CTNNA3: variants seen among roughly 807,000 people sequenced by gnomAD.
The protein encoded by CTNNA3 is catenin alpha-3.
Under a neutral mutation model 95.7 loss-of-function variants are expected in CTNNA3, and 76 were observed. The observed-to-expected ratio is 0.79, with a 90% confidence interval of 0.66 to 0.96. The LOEUF is 0.96. Ranked by LOEUF, CTNNA3 falls within the 40% of genes least tolerant of loss-of-function variation. The probability of loss-of-function intolerance (pLI) is 0.00; values close to 1 mark genes in which losing one functional copy is unlikely to be tolerated. For missense variants in CTNNA3, 1,191 were observed against 1,089.8 expected (o/e 1.09, Z -1.31); for synonymous variants, 431 against 374.4 (o/e 1.15, Z -1.74).
At chr10:67,083,021 T>A (rs1322781888) in intron 7 of CTNNA3, among the ~76,000 whole-genome samples, 2 of 152,164 alleles carry the variant, frequency 1.3e-5, no homozygotes, top group African/African-American at 4.8e-5. Flanking sequence ...GCCACCTGTG[T>A]GTTCTCACAA....
intron 12 of CTNNA3, among the ~76,000 whole-genome samples, chr10:66,315,982 G>A (rs192665574): frequency 5.3e-5 from 8 of 152,108 alleles, no homozygotes; most frequent in Admixed American, 4.6e-4. Flanking sequence ...CTTGAAAACC[G>A]CAACTTTAAC....
At chr10:67,543,569 T>A (rs1840747482) in intron 3 of CTNNA3, among the ~76,000 whole-genome samples, 1 of 151,992 alleles carries the variant, frequency 6.6e-6, no homozygotes, top group African/African-American at 2.4e-5. Context: ...ATAACCAAAA[T>A]GAAAAGGGGC....
At chr10:66,038,594 T>C (rs1266227531) in intron 15 of CTNNA3, among the ~76,000 whole-genome samples, 2 of 152,216 alleles carry the variant, frequency 1.3e-5, no homozygotes, top group South Asian at 2.1e-4. Context: ...GCTGAGTCAA[T>C]TTCAGAGGAT....
intron 7 of CTNNA3, among the ~76,000 whole-genome samples, chr10:67,003,018 T>C (rs1233970910): frequency 6.6e-6 from 1 of 152,182 alleles, no homozygotes; most frequent in Admixed American, 6.6e-5. Context: ...ACGGTAATTA[T>C]GATACTATTT....
At chr10:66,427,627 G>A (rs2132655137) in intron 11 of CTNNA3, among the ~76,000 whole-genome samples, 1 of 152,082 alleles carries the variant, frequency 6.6e-6, no homozygotes. Context: ...AACAGAGGTG[G>A]AACAACAATA....
intron 5 of CTNNA3, among the ~76,000 whole-genome samples, chr10:67,256,638 G>A: frequency 6.6e-6 from 1 of 152,066 alleles, no homozygotes; most frequent in East Asian, 1.9e-4. Flanking sequence ...GATTTTCTTA[G>A]AGTGAATTAT....
chr10:66,167,893 C>G (rs2085217688), intron 13 of CTNNA3, among the ~76,000 whole-genome samples: 1 of 152,138 alleles, frequency 6.6e-6, no homozygotes, highest in African/African-American at 2.4e-5. Flanking sequence ...AGAAATTGGC[C>G]TGCCTTAATA....
intron 7 of CTNNA3, among the ~76,000 whole-genome samples, chr10:66,916,650 G>C (rs1278670991): frequency 6.6e-6 from 1 of 152,088 alleles, no homozygotes; most frequent in African/African-American, 2.4e-5. Flanking sequence ...GTTGATAAGT[G>C]GAAAAATGTC....
intron 1 of CTNNA3, among the ~76,000 whole-genome samples, chr10:67,726,506 A>G (rs1258923452): frequency 1.5e-5 from 1 of 67,394 alleles, no homozygotes; most frequent in East Asian, 6.1e-4. Flanking sequence ...TATATAATAT[A>G]TTATATATTA....
At chr10:66,494,938 A>G (rs1840050678) in intron 11 of CTNNA3, among the ~76,000 whole-genome samples, 1 of 152,216 alleles carries the variant, frequency 6.6e-6, no homozygotes. Context: ...GAGAGCACAC[A>G]CGATAGAATG....
chr10:66,262,962 T>C (rs2091048743), intron 13 of CTNNA3, among the ~76,000 whole-genome samples: 1 of 151,988 alleles, frequency 6.6e-6, no homozygotes. Context: ...TGCCTTGAAG[T>C]AGACCGTGGG....
intron 10 of CTNNA3, among the ~76,000 whole-genome samples, chr10:66,556,762 T>C (rs1490363138): frequency 2.6e-5 from 4 of 151,928 alleles, no homozygotes; most frequent in Non-Finnish European, 4.4e-5. Context: ...GGGTACAAAG[T>C]TGCAGTTATA....
At chr10:67,322,905 T>A (rs1017458522) in intron 5 of CTNNA3, among the ~76,000 whole-genome samples, 16 of 152,212 alleles carry the variant, frequency 1.1e-4, no homozygotes, top group African/African-American at 2.4e-4. Context: ...TTTTTAACAA[T>A]AGCCATTCTG....
chr10:66,905,121 C>T (rs377198539), intron 7 of CTNNA3, among the ~76,000 whole-genome samples: 1 of 152,158 alleles, frequency 6.6e-6, no homozygotes, highest in Non-Finnish European at 1.5e-5. Context: ...GGAACCAACC[C>T]AAATGTCCAT....
At position 66,420,831 on chromosome 10, in the gene CTNNA3, A is replaced by AATTAATTAATT. The variant is rs1564945835; in HGVS notation, c.1532-41480_1532-41479insAATTAATTAAT. On this transcript the variant is annotated intron_variant, in intron 11 of 17. Transcript: ENST00000433211. Reference sequence around the variant, plus strand: ...TAAATAAATAAATAAATAAATAAATAAATAAATAAAAAACAATATGGAGAT... The same window carrying AATTAATTAATT: ...TAAATAAATAAATAAATAAATAAATAATTAATTAATTAATAAATAAAAAACAATATGGAGAT... Among the ~76,000 whole-genome samples the AATTAATTAATT allele has an allele frequency of 6.3e-4, 35 of 55,694 alleles. No homozygotes were observed. In the South Asian group the frequency reaches 0.017, roughly 27 times the overall value. The allele number at this position is 55,694 out of a possible 152,430, so 36.5% of individuals were successfully genotyped here. A position where few individuals can be genotyped will look rare whatever the true frequency, so the allele number is the denominator to read the frequency against.
chr10:66,414,918 T>C (rs1251746758), intron 11 of CTNNA3, among the ~76,000 whole-genome samples: 1 of 152,130 alleles, frequency 6.6e-6, no homozygotes, highest in South Asian at 2.1e-4. Context: ...TGATGGGTAC[T>C]GCCTGGGGTT....
Position 67,068,819 on chromosome 10 carries a change from G to A in CTNNA3, c.1047+111498C>T, listed in dbSNP as rs145674822. On this transcript the variant is annotated intron_variant, in intron 7 of 17. Transcript: ENST00000433211. ...TTACGCCTGTAATCCCAGCACTTTG[G>A]GAGGCTGAGGCAGGAAGATCACCTG... Among the ~76,000 whole-genome samples, 526 of 152,292 alleles carry A rather than the reference G, an allele frequency of 3.5e-3. 2 individuals carry two copies. The highest frequency in any genetic ancestry group is 4.7e-3 in the Non-Finnish European group (320 of 68,026).
At chr10:66,212,998 A>G (rs894425204) in intron 13 of CTNNA3, among the ~76,000 whole-genome samples, 1 of 152,206 alleles carries the variant, frequency 6.6e-6, no homozygotes, top group African/African-American at 2.4e-5. Context: ...CCTAGGTGGT[A>G]GAGAGACTCT....
At chr10:66,735,192 G>A (rs1389736622) in intron 9 of CTNNA3, among the ~76,000 whole-genome samples, 4 of 151,540 alleles carry the variant, frequency 2.6e-5, no homozygotes, top group African/African-American at 9.7e-5. Flanking sequence ...TTACCTTTTT[G>A]TTATCTTTGT....
Sources: gnomAD v4.1 joint callset for allele counts (sites outside exome capture counted in the v4.1 genomes callset) on GRCh38, gnomAD v4.1.1 for gene constraint, MANE v1.5 for transcripts, NCBI Gene and HGNC (gene_info 2026-07-23, HGNC 2026-07-21) for gene names.